Variants in MSN observed in about 807,000 individuals in gnomAD.
MSN encodes moesin.
In MSN, 2 loss-of-function variants were observed where a neutral mutation model predicts 48.0. The ratio of observed to expected loss-of-function variants is 0.04; its 90% CI spans 0.02 to 0.13. The LOEUF (loss-of-function observed/expected upper bound fraction) is 0.13. Ranked by LOEUF, MSN falls within the 10% of genes least tolerant of loss-of-function variation. The pLI is 1.00. For synonymous variants in MSN, 146 were observed against 166.9 expected, an observed-to-expected ratio of 0.87 and a Z score of 0.97; for missense variants, 267 against 470.1, an observed-to-expected ratio of 0.57 and a Z score of 3.99.
chrX:65,670,016 C>G (rs894838625), intron 1 of MSN, among the ~76,000 whole-genome samples: 1 of 111,333 alleles, frequency 9.0e-6, no homozygotes, highest in Non-Finnish European at 1.9e-5. Flanking sequence ...TTGCTCCAAA[C>G]AAATTGCCCA....
At chrX:65,694,311 A>G (rs1478849622) in intron 1 of MSN, among the ~76,000 whole-genome samples, 5 of 109,921 alleles carry the variant, frequency 4.5e-5, no homozygotes, top group African/African-American at 1.7e-4. Context: ...TGTGCCTCCT[A>G]TACTACATTA....
chrX:65,737,589 G>A (rs1017851783), intron 10 of MSN, among the ~76,000 whole-genome samples: 1 of 111,863 alleles, frequency 8.9e-6, no homozygotes, highest in African/African-American at 3.3e-5. Context: ...GATTGACCTG[G>A]CAAAGGAAAG....
intron 1 of MSN, among the ~76,000 whole-genome samples, chrX:65,598,166 C>T (rs751261094): frequency 9.2e-6 from 1 of 109,276 alleles, no homozygotes; most frequent in African/African-American, 3.4e-5. Flanking sequence ...GAAACAGAGA[C>T]AGAATCAGAG....
At chrX:65,648,403 A>C (rs150646025) in intron 1 of MSN, among the ~76,000 whole-genome samples, 1,557 of 110,509 alleles carry the variant, frequency 0.014, 35 homozygotes, top group African/African-American at 0.048. Context: ...AAATACAAAA[A>C]TTAGCCGGGC....
intron 1 of MSN, chrX:65,624,894 A>AAGG (rs2070491538): frequency 9.0e-6 from 1 of 111,212 alleles, no homozygotes; most frequent in African/African-American, 3.3e-5. Flanking sequence ...AGGAAGGAAG[A>AAGG]AAGGAAGGAA....
chrX:65,628,253 C>A (rs772690865), intron 1 of MSN, among the ~76,000 whole-genome samples: 8 of 113,083 alleles, frequency 7.1e-5, no homozygotes, highest in African/African-American at 2.6e-4. Flanking sequence ...AGCAGAAGTT[C>A]TCTATGAGGG....
intron 1 of MSN, among the ~76,000 whole-genome samples, chrX:65,688,802 A>G (rs2071143878): frequency 8.9e-6 from 1 of 112,053 alleles, no homozygotes. Context: ...TGGTTTTGCA[A>G]CTGGCTTCCT....
At chrX:65,663,335 GA>G (rs750276553), upstream of MSN, among the ~76,000 whole-genome samples, 2 of 106,943 alleles carry the variant, frequency 1.9e-5, no homozygotes, top group African/African-American at 3.4e-5. Context: ...ACAAATATAT[GA>G]AAAAAAAATG....
intron 1 of MSN, among the ~76,000 whole-genome samples, chrX:65,636,776 C>CAAAAAAAAAAAAA (rs2070604946): frequency 3.6e-5 from 3 of 82,891 alleles, no homozygotes; most frequent in African/African-American, 1.8e-4. Flanking sequence ...AAAAAAAAAC[C>CAAAAAAAAAAAAA]AGAAAGAAAG....
intron 5 of MSN, among the ~76,000 whole-genome samples, chrX:65,731,548 A>C (rs1475897948): frequency 9.0e-6 from 1 of 110,896 alleles, no homozygotes; most frequent in Non-Finnish European, 1.9e-5. Context: ...AGGCTGTCAC[A>C]ATGAATGAGA....
intron 1 of MSN, among the ~76,000 whole-genome samples, chrX:65,652,916 T>C (rs2070752895): frequency 8.9e-6 from 1 of 111,926 alleles, no homozygotes; most frequent in South Asian, 3.8e-4. Flanking sequence ...ATTTAGGCGG[T>C]GATGAAGGAC....
Position 65,729,599 on chromosome X carries a change from G to A in MSN, c.354G>A (p.Pro118=), listed in dbSNP as rs746005784. Residue 118 remains proline, a synonymous_variant, in exon 4 of 13, where the codon CCG becomes CCA. Transcript: ENST00000360270. ...TTCTCAATGATGATATTTACTGCCC[G>A]CCTGAGACCGCTGTGCTGCTGGCCT... ...EGILNDDIYC[P]PETAVLLASY... 3.7e-5 allele frequency: 45 copies of A among 1,210,140 alleles called. No individual in the cohort carries two copies. In the Admixed American group the frequency reaches 5.9e-4, roughly 16 times the overall value.
chrX:65,674,174 G>T (rs1196043399), intron 1 of MSN, among the ~76,000 whole-genome samples: 2 of 111,785 alleles, frequency 1.8e-5, no homozygotes, highest in Non-Finnish European at 3.8e-5. Flanking sequence ...AAGGGAGGTA[G>T]AGAGAGGACA....
chrX:65,612,231 C>G (rs2070326225), intron 1 of MSN, among the ~76,000 whole-genome samples: 1 of 110,713 alleles, frequency 9.0e-6, no homozygotes, highest in Non-Finnish European at 1.9e-5. Context: ...AGTTTGGTCC[C>G]CTTTTCTCTC....
At chrX:65,592,192 CTTT>C (rs1176549178) in intron 1 of MSN, among the ~76,000 whole-genome samples, 2 of 76,921 alleles carry the variant, frequency 2.6e-5, no homozygotes, top group Non-Finnish European at 4.8e-5. Context: ...CTCTTCATCC[CTTT>C]TTTTTTTTTT....
At chrX:65,712,608 A>G (rs903365631) in intron 1 of MSN, among the ~76,000 whole-genome samples, 3 of 108,948 alleles carry the variant, frequency 2.8e-5, no homozygotes, top group African/African-American at 1.0e-4. Context: ...ACCACCCCAA[A>G]ACCAAGCCTG....
At position 65,639,229 on chromosome X, in the gene MSN, C is replaced by T. The variant is rs541532043; in HGVS notation, c.-22+50617C>T. ...CATGATCTTGGCTCACTGCGACCTC[C>T]GCTTCCCAGGTTCAAGCAATCCTCC... On this transcript the variant is annotated intron_variant, in intron 1 of 3. Coordinates refer to the MSN transcript ENST00000609672. Among the ~76,000 whole-genome samples, 283 of 111,293 alleles carry T rather than the reference C, an allele frequency of 2.5e-3. 1 individual carries two copies. The highest frequency in any genetic ancestry group is 8.5e-3 in the African/African-American group (259 of 30,589).
rs144053531 is a variant in MSN, at chrX:65,618,174, A to G, written c.-22+29562A>G. ...AGTGCCATGTGATGCTGACAAAGAT[A>G]TATATGCTGTTGATTTGGGGTGGAG... On this transcript the variant is annotated intron_variant, in intron 1 of 3. Transcript: ENST00000609672. Among the ~76,000 whole-genome samples, 37 of 111,854 alleles carry G rather than the reference A, an allele frequency of 3.3e-4. No individual in the cohort carries two copies. In the East Asian group the frequency reaches 0.01, roughly 31 times the overall value.
chrX:65,605,498 A>G (rs2070271314), intron 1 of MSN, among the ~76,000 whole-genome samples: 2 of 112,005 alleles, frequency 1.8e-5, no homozygotes, highest in Admixed American at 9.5e-5. Context: ...CTTGCCCCCT[A>G]CAACCCATTC....
Sources: gnomAD v4.1 joint callset for allele counts (sites outside exome capture counted in the v4.1 genomes callset) on GRCh38, gnomAD v4.1.1 for gene constraint, MANE v1.5 for transcripts, NCBI Gene and HGNC (gene_info 2026-07-23, HGNC 2026-07-21) for gene names.